DLG2: variants seen among roughly 807,000 people sequenced by gnomAD.
DLG2 encodes disks large homolog 2.
A neutral mutation model predicts 132.5 loss-of-function variants in DLG2; 45 were observed. That is an observed-to-expected ratio of 0.34 (90% CI 0.27 to 0.44). The LOEUF is 0.44. Among genes scored for constraint, DLG2 ranks in the 20% least tolerant of loss-of-function variants. The pLI, the probability that DLG2 is intolerant of heterozygous loss-of-function variation, is 1.00. For missense variants in DLG2, 1,045 were observed against 1,196.9 expected (o/e 0.87, Z 1.87); for synonymous variants, 424 against 419.6 (o/e 1.01, Z -0.13).
intron 18 of DLG2, among the ~76,000 whole-genome samples, chr11:83,767,296 A>G (rs139303205): frequency 7.9e-5 from 12 of 152,294 alleles, no homozygotes; most frequent in Non-Finnish European, 1.6e-4. Flanking sequence ...GATTTGTTAC[A>G]TAGGTAAATG....
At chr11:84,948,699 AT>A (rs2050539551) in intron 6 of DLG2, among the ~76,000 whole-genome samples, 1 of 152,204 alleles carries the variant, frequency 6.6e-6, no homozygotes, top group South Asian at 2.1e-4. Flanking sequence ...TTGGCCACCA[AT>A]ATAAACCTAA....
At chr11:85,151,162 T>C (rs1434593743) in intron 5 of DLG2, among the ~76,000 whole-genome samples, 2 of 152,218 alleles carry the variant, frequency 1.3e-5, no homozygotes, top group Non-Finnish European at 2.9e-5. Flanking sequence ...ATTTGTATAT[T>C]TTCTTTGGAG....
chr11:84,067,280 G>A (rs1007081943), intron 10 of DLG2, among the ~76,000 whole-genome samples: 1 of 152,070 alleles, frequency 6.6e-6, no homozygotes, highest in Non-Finnish European at 1.5e-5. Flanking sequence ...GTTGCTGTGA[G>A]CCAAGACCGC....
chr11:84,901,841 G>A (rs1266644717), intron 6 of DLG2, among the ~76,000 whole-genome samples: 1 of 152,038 alleles, frequency 6.6e-6, no homozygotes, highest in African/African-American at 2.4e-5. Flanking sequence ...AAATTCTATA[G>A]CCATTTCTAT....
chr11:83,808,600 G>A (rs1193364600), intron 17 of DLG2, among the ~76,000 whole-genome samples: 3 of 152,128 alleles, frequency 2.0e-5, no homozygotes, highest in Admixed American at 6.6e-5. Flanking sequence ...TTCTTGGCAC[G>A]AGGAGTTCCA....
intron 6 of DLG2, among the ~76,000 whole-genome samples, chr11:84,984,345 C>T (rs533079750): frequency 1.2e-3 from 179 of 152,254 alleles, no homozygotes; most frequent in African/African-American, 4.2e-3. Flanking sequence ...TTAAATAAAA[C>T]AATTATCAGC....
chr11:84,647,872 T>C (rs1274304968), intron 6 of DLG2, among the ~76,000 whole-genome samples: 3 of 152,226 alleles, frequency 2.0e-5, no homozygotes, highest in Non-Finnish European at 4.4e-5. Flanking sequence ...ACCTCTTTAG[T>C]TGTATGAGTA....
intron 6 of DLG2, among the ~76,000 whole-genome samples, chr11:84,939,573 C>CA (rs2049142437): frequency 1.3e-5 from 2 of 152,196 alleles, no homozygotes; most frequent in Admixed American, 1.3e-4. Context: ...TCACCCTTCC[C>CA]ACCACTATCC....
intron 2 of DLG2, among the ~76,000 whole-genome samples, chr11:85,625,511 A>T (rs74800899): frequency 4.2e-4 from 64 of 152,344 alleles, no homozygotes; most frequent in African/African-American, 1.5e-3. Context: ...AAAGTTTTAT[A>T]TATCATTGTC....
chr11:84,549,576 G>T (rs548397047), intron 6 of DLG2, among the ~76,000 whole-genome samples: 1 of 152,164 alleles, frequency 6.6e-6, no homozygotes, highest in African/African-American at 2.4e-5. Context: ...CCAGCAGTGC[G>T]ACTTTAGGGA....
intron 11 of DLG2, among the ~76,000 whole-genome samples, chr11:84,050,905 GT>G (rs2154119618): frequency 6.6e-6 from 1 of 152,072 alleles, no homozygotes; most frequent in Non-Finnish European, 1.5e-5. Context: ...GTACCATGCT[GT>G]TTTGGTTACT....
At chr11:84,477,615 G>T (rs555166466) in intron 7 of DLG2, among the ~76,000 whole-genome samples, 2 of 152,244 alleles carry the variant, frequency 1.3e-5, no homozygotes, top group South Asian at 4.1e-4. Flanking sequence ...AATCTCCACG[G>T]ATTAGAGTGC....
intron 11 of DLG2, among the ~76,000 whole-genome samples, chr11:84,037,024 T>C (rs1252904479): frequency 6.6e-6 from 1 of 152,134 alleles, no homozygotes; most frequent in African/African-American, 2.4e-5. Context: ...AAATGCTTAT[T>C]ATCAGTAACA....
intron 19 of DLG2, among the ~76,000 whole-genome samples, chr11:83,584,179 A>G (rs189451220): frequency 1.7e-4 from 26 of 152,332 alleles, no homozygotes; most frequent in African/African-American, 5.8e-4. Context: ...TCTGAGTATT[A>G]GAGTCACAAT....
At chr11:83,805,356 CAT>C (rs530757874) in intron 17 of DLG2, among the ~76,000 whole-genome samples, 88 of 150,912 alleles carry the variant, frequency 5.8e-4, no homozygotes, top group African/African-American at 2.1e-3. Context: ...GAGCTTCTCC[CAT>C]ATATATATAT....
intron 3 of DLG2, among the ~76,000 whole-genome samples, chr11:85,395,430 G>C (rs1353400640): frequency 6.6e-6 from 1 of 152,128 alleles, no homozygotes; most frequent in Non-Finnish European, 1.5e-5. Context: ...CCCATGGAGG[G>C]TGAGCTGAAG....
intron 6 of DLG2, among the ~76,000 whole-genome samples, chr11:84,581,882 G>A (rs1386776696): frequency 6.1e-5 from 9 of 147,444 alleles, no homozygotes; most frequent in Admixed American, 6.1e-4. Flanking sequence ...ACTCTAGCCT[G>A]GCGACACAGT....
At chr11:84,357,323 CA>C (rs1175549423) in intron 7 of DLG2, among the ~76,000 whole-genome samples, 1 of 152,008 alleles carries the variant, frequency 6.6e-6, no homozygotes, top group Non-Finnish European at 1.5e-5. Flanking sequence ...GCCTTGGAAA[CA>C]TAATGTATCA....
intron 6 of DLG2, among the ~76,000 whole-genome samples, chr11:85,042,092 A>T (rs2061922287): frequency 6.6e-6 from 1 of 151,942 alleles, no homozygotes; most frequent in Non-Finnish European, 1.5e-5. Context: ...TTGGAAAAAA[A>T]ATAAGTTGGG....
Sources: gnomAD v4.1 joint callset for allele counts (sites outside exome capture counted in the v4.1 genomes callset) on GRCh38, gnomAD v4.1.1 for gene constraint, MANE v1.5 for transcripts, NCBI Gene and HGNC (gene_info 2026-07-23, HGNC 2026-07-21) for gene names.